The following EXOC7 variants were observed in gnomAD, a reference collection of about 807,000 sequenced individuals.
EXOC7 encodes exocyst complex component Exo70.
EXOC7 carries 51 observed loss-of-function variants against 87.6 expected under a neutral mutation model. The ratio of observed to expected loss-of-function variants is 0.58; its 90% CI spans 0.46 to 0.73. The LOEUF (loss-of-function observed/expected upper bound fraction) is 0.73. EXOC7 is among the 30% of genes least tolerant of loss of function. The pLI is 0.00. For synonymous variants in EXOC7, 327 were observed against 357.1 expected (o/e 0.92, Z 0.95); for missense variants, 744 against 888.4 (o/e 0.84, Z 2.07).
At chr17:76,094,968 G>GTTTT (rs34069210) in intron 5 of EXOC7, among the ~76,000 whole-genome samples, 2 of 147,562 alleles carry the variant, frequency 1.4e-5, no homozygotes, top group African/African-American at 2.5e-5. Context: ...GTTGTAAGTT[G>GTTTT]TTTTTTTTTT....
chr17:76,089,960 C>T (rs542332034), intron 7 of EXOC7, among the ~76,000 whole-genome samples: 2 of 152,348 alleles, frequency 1.3e-5, no homozygotes, highest in African/African-American at 4.8e-5. Context: ...GCAGGCAAAA[C>T]CGGCGGCAGA....
chr17:76,085,872 G>T lies in EXOC7; in HGVS notation c.1496-75C>A, dbSNP rs561688140. The T allele has an allele frequency of 7.6e-6, 12 of 1,569,604 alleles. No individual in the cohort carries two copies. In the African/African-American group the frequency reaches 9.5e-5, roughly 12 times the overall value. The stretch of plus-strand genomic sequence containing the variant: ...CGACCCCACCCCAGGACCCGCGAAC[G>T]CGCTCCTATCCATCGCTCCTCGTCC... On this transcript the variant is annotated intron_variant, in intron 13 of 18. Transcript: ENST00000589210.
intron 2 of EXOC7, chr17:76,103,130 A>C: frequency 1.8e-6 from 1 of 565,788 alleles, no homozygotes; most frequent in Non-Finnish European, 3.2e-6. Context: ...GCTTAGACAG[A>C]AAGCAGCAAG....
At position 76,091,102 on chromosome 17, in the gene EXOC7, G is replaced by A. The variant is rs746598520; in HGVS notation, c.901+41C>T. On this transcript the variant is annotated intron_variant, in intron 7 of 18. Transcript: ENST00000589210. Reference sequence around the variant, plus strand: ...GCCCTGCCAAGTGCGTGGACACACAGTGGAGGAGGAAGGGACAGGAGGGGA... The same window carrying A: ...GCCCTGCCAAGTGCGTGGACACACAATGGAGGAGGAAGGGACAGGAGGGGA... 3.8e-6 allele frequency: 6 copies of A among 1,559,168 alleles called. No individual in the cohort carries two copies. The Middle Eastern group carries it at 6.8e-4, about 176-fold the overall frequency.
chr17:76,083,472 T>G lies in EXOC7; in HGVS notation c.*176A>C, dbSNP rs1598289152. 1.6e-6 allele frequency: 1 copy of G among 626,354 alleles called. No homozygotes were observed. The highest frequency in any genetic ancestry group is 2.8e-6 in the Non-Finnish European group (1 of 352,690). 38.8% of individuals were successfully genotyped at this position (626,354 alleles called of 1,614,324 possible). A position where few individuals can be genotyped will look rare whatever the true frequency, so the allele number is the denominator to read the frequency against. ...CTGGTTCGGCTGGGAACACGGGCTGTGGGGAAAAAGCAGGAGCCAGGACTA... is the reference window on the plus strand; with the variant it reads ...CTGGTTCGGCTGGGAACACGGGCTGGGGGGAAAAAGCAGGAGCCAGGACTA... On this transcript the variant is annotated 3_prime_UTR_variant, in exon 19 of 19. Coordinates refer to ENST00000589210, the MANE Select transcript of EXOC7 (RefSeq NM_001013839.4).
rs141828699 is a variant in EXOC7, at chr17:76,097,757, G to C, written c.640+39C>G. The C allele has an allele frequency of 1.9e-3, 1,979 of 1,029,700 alleles. 15 individuals carry two copies. The highest frequency in any genetic ancestry group is 7.4e-3 in the South Asian group (550 of 73,890). The allele number at this position is 1,029,700 out of a possible 1,614,324, so 63.8% of individuals were successfully genotyped here. A position where few individuals can be genotyped will look rare whatever the true frequency, so the allele number is the denominator to read the frequency against. On this transcript the variant is annotated intron_variant, in intron 5 of 18. Coordinates refer to ENST00000589210, the MANE Select transcript of EXOC7 (RefSeq NM_001013839.4). ...GAACAAAGGGGAGAAAACTCCCTCT[G>C]CCTCTGGTGTGTCATGTGGCCAAGC...
rs181893119 is a variant in EXOC7 at position 76,088,429 on chromosome 17, C to T, written c.1299+35G>A. ...GGGCCAGGTCACTGTGGTGCTGGGC[C>T]GGGAGGGAGGGAGAAAGGGGAGGAC... On this transcript the variant is annotated intron_variant, in intron 10 of 18. Transcript: ENST00000589210. 1,139 of 1,594,646 alleles carry T rather than the reference C, an allele frequency of 7.1e-4. 10 individuals carry two copies. In the East Asian group the frequency reaches 9.0e-3, roughly 13 times the overall value.
Position 76,082,000 on chromosome 17 carries a change from G to A in EXOC7, c.*1648C>T, listed in dbSNP as rs772638346. 43 of 1,611,684 alleles carry A rather than the reference G, an allele frequency of 2.7e-5. No individual in the cohort carries two copies. The highest frequency in any genetic ancestry group is 2.3e-4 in the Admixed American group (14 of 59,616). On this transcript the variant is annotated 3_prime_UTR_variant, in exon 19 of 19. Coordinates refer to ENST00000589210, the MANE Select transcript of EXOC7 (RefSeq NM_001013839.4). ...CCAAGAGCGGCCCCAGCCCAGCCCC[G>A]AGAGGGGAACAGCGAGAGCACGGCA...
At chr17:76,086,747 C>T (rs1421408990) in intron 12 of EXOC7, 8 of 968,468 alleles carry the variant, frequency 8.3e-6, no homozygotes, top group African/African-American at 1.6e-5. Context: ...AAACTCATGT[C>T]CCCTCTGACT....
intron 4 of EXOC7, among the ~76,000 whole-genome samples, chr17:76,100,809 C>T (rs2068021894): frequency 1.3e-5 from 2 of 151,970 alleles, no homozygotes; most frequent in East Asian, 1.9e-4. Flanking sequence ...GGCGAAACCC[C>T]GTCTCTACTA....
rs568627507 is a variant in EXOC7 at position 76,095,754 on chromosome 17, G to C, written c.641-1173C>G. The stretch of plus-strand genomic sequence containing the variant: ...GGCAAGAAGGTTACAAGTATCTTCA[G>C]ACACTTACACCTAATCCCTGCACCC... On this transcript the variant is annotated intron_variant, in intron 5 of 18. Transcript: ENST00000589210. Among the ~76,000 whole-genome samples the C allele has an allele frequency of 1.4e-4, 22 of 152,272 alleles. No homozygotes were observed. The East Asian group carries it at 4.1e-3, about 28-fold the overall frequency.
chr17:76,101,991 A>G, intron 2 of EXOC7, 128 bp from the exon 3 acceptor site: 1 of 682,964 alleles, frequency 1.5e-6, no homozygotes, highest in South Asian at 2.0e-5. Context: ...GCGAAGGAAC[A>G]GGGTGTACCT....
intron 5 of EXOC7, 147 bp downstream of exon 5, chr17:76,097,649 A>G: frequency 3.4e-6 from 2 of 585,304 alleles, no homozygotes; most frequent in Non-Finnish European, 5.7e-6. Context: ...AGGCTGCAGC[A>G]AGCCGAGTTG....
chr17:76,098,638 G>C (rs1174677359), intron 4 of EXOC7, among the ~76,000 whole-genome samples: 1 of 151,592 alleles, frequency 6.6e-6, no homozygotes, highest in African/African-American at 2.4e-5. Context: ...GAGGCGGGCA[G>C]ATCACAAGGT....
In EXOC7 at chr17:76,081,811, G is replaced by A. The variant is rs1158836165; in HGVS notation, c.*1837C>T. ...TGTTTCTCCCCGGTCACCCACTGGT[G>A]CTCAGCTCGCTGGGCACCAGAGACA... On this transcript the variant is annotated 3_prime_UTR_variant, in exon 19 of 19. Transcript: ENST00000589210. 3.2e-5 allele frequency: 51 copies of A among 1,611,712 alleles called. 1 individual carries two copies. The South Asian group carries it at 4.8e-4, about 15-fold the overall frequency.
In EXOC7 at chr17:76,083,666, A is replaced by C. The variant is rs373384194; in HGVS notation, c.2037T>G (p.Leu679=). 2.5e-6 allele frequency: 4 copies of C among 1,613,732 alleles called. No individual in the cohort carries two copies. The African/African-American group carries it at 5.3e-5, about 22-fold the overall frequency. Residue 679 remains leucine (L), a synonymous_variant, in exon 19 of 19, where the codon CTT becomes CTG. Transcript: ENST00000589210. ...VEQVGDMIDR[L]FDTSA ...AGCAGGCTCAGGCAGAGGTGTCGAA[A>C]AGGCGATCGATCATGTCGCCCACCT...
chr17:76,091,426 A>G (rs2067475589), intron 6 of EXOC7, 191 bp from the exon 7 acceptor site: 1 of 584,366 alleles, frequency 1.7e-6, no homozygotes, highest in Non-Finnish European at 3.0e-6. Context: ...CTCCAAATGG[A>G]GCCTTGATTC....
rs1421333826 is a variant in EXOC7 at position 76,081,016 on chromosome 17, T to C, written c.*2632A>G. 1 of 436,988 alleles carries C rather than the reference T, an allele frequency of 2.3e-6. No individual in the cohort carries two copies. The highest frequency in any genetic ancestry group is 2.0e-5 in the South Asian group (1 of 48,982). 27.1% of individuals were successfully genotyped at this position (436,988 alleles called of 1,614,324 possible). ...CCTGTGACCACTTCTCCCTCCATCA[T>C]GAAGTGGTGCAAAGTACATTTATTT... On this transcript the variant is annotated 3_prime_UTR_variant, in exon 19 of 19. Transcript: ENST00000589210.
Position 76,085,662 on chromosome 17 carries a change from C to A in EXOC7, c.1616+15G>T, listed in dbSNP as rs1044651750. The A allele has an allele frequency of 6.2e-7, 1 of 1,613,892 alleles. No individual in the cohort carries two copies. The highest frequency in any genetic ancestry group is 1.3e-5 in the African/African-American group (1 of 74,934). ...GAAGGTGAGAGCCGCAGACTCACTCCCGCAGGCCACTTACTTCTCCAGGGA... is the reference window on the plus strand; with the variant it reads ...GAAGGTGAGAGCCGCAGACTCACTCACGCAGGCCACTTACTTCTCCAGGGA... On this transcript the variant is annotated intron_variant, in intron 14 of 18. Coordinates refer to ENST00000589210, the MANE Select transcript of EXOC7 (RefSeq NM_001013839.4).
Sources: allele counts gnomAD v4.1 joint callset (sites outside exome capture counted in the v4.1 genomes callset), GRCh38; gene constraint gnomAD v4.1.1; transcripts MANE v1.5; gene names NCBI Gene and HGNC (gene_info 2026-07-23, HGNC 2026-07-21).